The following SPON1 variants were observed in gnomAD, a reference collection of about 807,000 sequenced individuals.
The protein encoded by SPON1 is spondin-1.
In SPON1, 52 loss-of-function variants were observed where a neutral mutation model predicts 111.7. That is an observed-to-expected ratio of 0.47 (90% CI 0.37 to 0.59). The LOEUF (loss-of-function observed/expected upper bound fraction) is 0.59, where lower values mean the gene tolerates loss of function less well. Ranked by LOEUF, SPON1 falls within the 20% of genes least tolerant of loss-of-function variation. The pLI is 0.00. For synonymous variants in SPON1, 410 were observed against 395.8 expected, an observed-to-expected ratio of 1.04 and a Z score of -0.43; for missense variants, 957 against 1,068.5, an observed-to-expected ratio of 0.90 and a Z score of 1.46.
intron 3 of SPON1, among the ~76,000 whole-genome samples, chr11:14,068,047 C>T (rs1215370941): frequency 6.6e-6 from 1 of 152,228 alleles, no homozygotes; most frequent in East Asian, 1.9e-4. Flanking sequence ...ATACCTCTCA[C>T]ATCTAAAGTA....
intron 6 of SPON1, among the ~76,000 whole-genome samples, chr11:14,148,976 T>A (rs1484152872): frequency 6.6e-6 from 1 of 152,256 alleles, no homozygotes; most frequent in African/African-American, 2.4e-5. Flanking sequence ...ACTGCATCCA[T>A]GACAGTGGTC....
intron 2 of SPON1, among the ~76,000 whole-genome samples, chr11:14,000,596 T>C (rs1848309566): frequency 6.6e-6 from 1 of 152,130 alleles, no homozygotes; most frequent in Non-Finnish European, 1.5e-5. Context: ...TGTTTTTTCA[T>C]CATGAAATGA....
intron 3 of SPON1, among the ~76,000 whole-genome samples, chr11:14,058,524 G>A (rs2133821953): frequency 6.6e-6 from 1 of 152,286 alleles, no homozygotes; most frequent in South Asian, 2.1e-4. Context: ...CGGAAACAGT[G>A]TGGGATTGTC....
chr11:14,159,760 T>G (rs1554930735), intron 6 of SPON1, among the ~76,000 whole-genome samples: 1 of 152,096 alleles, frequency 6.6e-6, no homozygotes, highest in African/African-American at 2.4e-5. Context: ...GATATCATTA[T>G]GTTAAGTGAA....
At chr11:14,006,975 G>A (rs543294481) in intron 2 of SPON1, among the ~76,000 whole-genome samples, 3 of 152,254 alleles carry the variant, frequency 2.0e-5, no homozygotes, top group East Asian at 1.9e-4. Context: ...AAATTAAGGT[G>A]TCAACAGGAC....
chr11:14,005,533 C>A (rs1268155510), intron 2 of SPON1, among the ~76,000 whole-genome samples: 1 of 152,182 alleles, frequency 6.6e-6, no homozygotes, highest in Non-Finnish European at 1.5e-5. Flanking sequence ...ATGTTCTAGA[C>A]CCTGGGCTAA....
At chr11:14,071,664 T>C (rs1253208812) in intron 3 of SPON1, among the ~76,000 whole-genome samples, 1 of 152,062 alleles carries the variant, frequency 6.6e-6, no homozygotes, top group African/African-American at 2.4e-5. Context: ...GACTGAAAAG[T>C]GAATAGGTAA....
At chr11:14,089,318 G>C (rs1338013770) in intron 5 of SPON1, among the ~76,000 whole-genome samples, 1 of 152,108 alleles carries the variant, frequency 6.6e-6, no homozygotes, top group African/African-American at 2.4e-5. Flanking sequence ...GGTTTTTTGT[G>C]TGGGGGTCCT....
At chr11:14,098,304 C>T (rs1254836935) in intron 5 of SPON1, among the ~76,000 whole-genome samples, 2 of 152,184 alleles carry the variant, frequency 1.3e-5, no homozygotes, top group Non-Finnish European at 2.9e-5. Context: ...TTTCTAATGC[C>T]ATTTCAGCGC....
At chr11:14,080,805 C>G (rs1848956764) in intron 5 of SPON1, among the ~76,000 whole-genome samples, 2 of 152,084 alleles carry the variant, frequency 1.3e-5, no homozygotes, top group Non-Finnish European at 2.9e-5. Context: ...CATGAGGGGC[C>G]AAGCATGGTG....
At position 14,267,076 on chromosome 11, in the gene SPON1, TGA is replaced by T. The variant is rs1368151118; in HGVS notation, c.*1392_*1393del. 2 of 152,244 alleles carry T rather than the reference TGA, an allele frequency of 1.3e-5. No homozygotes were observed. The highest frequency in any genetic ancestry group is 4.8e-5 in the African/African-American group (2 of 41,454). 9.4% of individuals were successfully genotyped at this position (152,244 alleles called of 1,614,324 possible). On this transcript the variant is annotated 3_prime_UTR_variant, in exon 16 of 16. Coordinates refer to ENST00000576479, the MANE Select transcript of SPON1 (RefSeq NM_006108.4). ...GCTTAATCCAAATGTGTACCATTGG[TGA>T]GACACATACAATGCTCTGAATACAC...
chr11:14,048,825 T>C (rs1554918136), intron 3 of SPON1, among the ~76,000 whole-genome samples: 1 of 152,214 alleles, frequency 6.6e-6, no homozygotes, highest in East Asian at 1.9e-4. Context: ...GATCCTCTGT[T>C]TCCATGGATT....
rs529173410 is a variant in SPON1, at chr11:13,967,461, C to A, written c.238+4319C>A. ...AGGATTAATTTAGAAACATGAAGAA[C>A]CTTGTCAGCCTTTGGCCAATTCCTT... is the stretch of plus-strand genomic sequence containing the variant. On this transcript the variant is annotated intron_variant, in intron 1 of 15. Coordinates refer to ENST00000576479, the MANE Select transcript of SPON1 (RefSeq NM_006108.4). Among the ~76,000 whole-genome samples, 8 of 151,282 alleles carry A rather than the reference C, an allele frequency of 5.3e-5. No homozygotes were observed. The South Asian group carries it at 1.7e-3, about 32-fold the overall frequency.
At chr11:13,967,062 C>T (rs782396273) in intron 1 of SPON1, among the ~76,000 whole-genome samples, 4 of 152,160 alleles carry the variant, frequency 2.6e-5, no homozygotes, top group Non-Finnish European at 5.9e-5. Flanking sequence ...AGTTTCTGAT[C>T]GTTACTGTTT....
intron 5 of SPON1, among the ~76,000 whole-genome samples, chr11:14,133,848 G>T (rs1330309560): frequency 2.0e-5 from 3 of 152,170 alleles, no homozygotes; most frequent in Non-Finnish European, 4.4e-5. Context: ...AGGAAATAAT[G>T]AACAAGCAAT....
At chr11:14,015,029 G>T (rs10832156) in intron 2 of SPON1, among the ~76,000 whole-genome samples, 3,868 of 152,018 alleles carry the variant, frequency 0.025, 165 homozygotes, top group African/African-American at 0.088. Context: ...TAACAGAATT[G>T]TGGGCAGGCC....
chr11:14,047,773 T>C (rs1454297600), intron 3 of SPON1, among the ~76,000 whole-genome samples: 1 of 152,154 alleles, frequency 6.6e-6, no homozygotes, highest in African/African-American at 2.4e-5. Context: ...TAGAAGACAG[T>C]AGACAGACCT....
In SPON1 at chr11:14,135,302, A is replaced by ACAG; in HGVS notation, c.677-118_677-117insCAG. 1 of 1,142,654 alleles carries ACAG rather than the reference A, an allele frequency of 8.8e-7. No homozygotes were observed. Among genetic ancestry groups the ACAG allele is most frequent in the East Asian group, 2.4e-5 (1 of 42,116 alleles). 70.8% of individuals were successfully genotyped at this position (1,142,654 alleles called of 1,614,324 possible). A position where few individuals can be genotyped will look rare whatever the true frequency, so the allele number is the denominator to read the frequency against. ...AATGGCACAGGGCCTAAGACAGAAT[A>ACAG]GGTGCTTAGTCAGTGCTCTTTGAAT... On this transcript the variant is annotated intron_variant, in intron 5 of 15. Transcript: ENST00000576479. This position sits in a 1 kb window ranked among gnomAD's most constrained non-coding sequence, Gnocchi z 4.4.
intron 6 of SPON1, among the ~76,000 whole-genome samples, chr11:14,219,153 C>T (rs1476082478): frequency 6.6e-6 from 1 of 152,182 alleles, no homozygotes; most frequent in African/African-American, 2.4e-5. Context: ...TCATCTAACC[C>T]ACTTAGAAGA....
Sources: gnomAD v4.1 joint callset for allele counts (sites outside exome capture counted in the v4.1 genomes callset) on GRCh38, gnomAD v4.1.1 for gene constraint, Gnocchi (gnomAD v3.1) non-coding constraint, MANE v1.5 for transcripts, NCBI Gene and HGNC (gene_info 2026-07-23, HGNC 2026-07-21) for gene names.